EXT1: variants seen among roughly 807,000 people sequenced by gnomAD.
EXT1 encodes the protein exostosin glycosyltransferase 1.
EXT1 carries 20 observed loss-of-function variants against 82.5 expected under a neutral mutation model. The observed-to-expected ratio is 0.24, with a 90% CI of 0.17 to 0.35. The LOEUF is 0.35. EXT1 is among the 10% of genes least tolerant of loss of function. The pLI is 1.00. For missense variants in EXT1, 757 were observed against 936.5 expected, an observed-to-expected ratio of 0.81 and a Z score of 2.50; for synonymous variants, 348 against 350.8, an observed-to-expected ratio of 0.99 and a Z score of 0.09.
At chr8:118,069,583 G>A (rs1408693230) in intron 1 of EXT1, among the ~76,000 whole-genome samples, 4 of 152,190 alleles carry the variant, frequency 2.6e-5, no homozygotes, top group Middle Eastern at 3.4e-3. Context: ...TAGAGTTAGC[G>A]GAGATAGAAA....
At chr8:117,957,529 C>T (rs1282202064) in intron 1 of EXT1, among the ~76,000 whole-genome samples, 2 of 152,204 alleles carry the variant, frequency 1.3e-5, no homozygotes, top group African/African-American at 2.4e-5. Context: ...GCCCTTGGCA[C>T]GGGCCTGGCT....
intron 1 of EXT1, among the ~76,000 whole-genome samples, chr8:117,857,579 A>C (rs1812588381): frequency 1.3e-5 from 2 of 151,046 alleles, no homozygotes. Flanking sequence ...ATGCCCCTGT[A>C]GTCCCAGATA....
At chr8:118,065,044 G>A (rs1441860307) in intron 1 of EXT1, among the ~76,000 whole-genome samples, 2 of 151,730 alleles carry the variant, frequency 1.3e-5, no homozygotes, top group Non-Finnish European at 2.9e-5. Context: ...GTAGAGATGG[G>A]GTTTCACTAT....
At chr8:117,800,008 G>A (rs1214416638) in intron 10 of EXT1, 111 bp from the exon 11 acceptor site, 6 of 1,158,044 alleles carry the variant, frequency 5.2e-6, no homozygotes, top group Non-Finnish European at 7.5e-6. Context: ...CTTGGGGTCT[G>A]GCCCGGCCAC....
chr8:118,042,982 A>G (rs1816559418), intron 1 of EXT1, among the ~76,000 whole-genome samples: 1 of 152,110 alleles, frequency 6.6e-6, no homozygotes, highest in Non-Finnish European at 1.5e-5. Context: ...TCTATGGCGC[A>G]CTCTGTTTAA....
At chr8:118,102,928 G>A (rs1008419456) in intron 1 of EXT1, among the ~76,000 whole-genome samples, 4 of 152,164 alleles carry the variant, frequency 2.6e-5, no homozygotes, top group Non-Finnish European at 5.9e-5. Context: ...GCCGAGGTGG[G>A]CGGATCACCG....
intron 1 of EXT1, among the ~76,000 whole-genome samples, chr8:118,009,404 A>G (rs773323449): frequency 1.3e-5 from 2 of 152,240 alleles, no homozygotes; most frequent in Non-Finnish European, 2.9e-5. Flanking sequence ...TTGTGGCTCT[A>G]ATCCACAGAG....
chr8:118,001,818 C>A (rs1259094360), intron 1 of EXT1, among the ~76,000 whole-genome samples: 1 of 152,052 alleles, frequency 6.6e-6, no homozygotes, highest in Non-Finnish European at 1.5e-5. Flanking sequence ...AGAAAGCTAA[C>A]AAAGCTATGT....
chr8:118,076,473 C>T (rs770021749), intron 1 of EXT1, among the ~76,000 whole-genome samples: 55 of 152,350 alleles, frequency 3.6e-4, no homozygotes, highest in Non-Finnish European at 6.8e-4. Flanking sequence ...TCCACTATCA[C>T]GCAGTAATTA....
At chr8:117,923,142 T>C (rs1214701025) in intron 1 of EXT1, among the ~76,000 whole-genome samples, 1 of 151,048 alleles carries the variant, frequency 6.6e-6, no homozygotes, top group Non-Finnish European at 1.5e-5. Flanking sequence ...CTCGCCAACA[T>C]GGTGAAACCC....
chr8:117,958,714 T>A (rs956919258), intron 1 of EXT1, among the ~76,000 whole-genome samples: 1 of 152,242 alleles, frequency 6.6e-6, no homozygotes. Flanking sequence ...GCATTTACTA[T>A]GTACCGAAAG....
intron 1 of EXT1, among the ~76,000 whole-genome samples, chr8:117,912,950 A>T (rs1446931853): frequency 6.6e-6 from 1 of 152,214 alleles, no homozygotes; most frequent in Non-Finnish European, 1.5e-5. Context: ...GTGGCCGCGC[A>T]CAGTGGCTCA....
At chr8:117,905,358 A>G (rs1340936693) in intron 1 of EXT1, among the ~76,000 whole-genome samples, 1 of 152,208 alleles carries the variant, frequency 6.6e-6, no homozygotes, top group Non-Finnish European at 1.5e-5. Context: ...CTGAAAAATC[A>G]TCAAGGTCAG....
At chr8:117,874,120 T>A (rs999106060) in intron 1 of EXT1, among the ~76,000 whole-genome samples, 1 of 152,200 alleles carries the variant, frequency 6.6e-6, no homozygotes, top group African/African-American at 2.4e-5. Flanking sequence ...ATTCTAACAA[T>A]GAGAAATTCC....
chr8:117,915,644 G>A (rs549573293), intron 1 of EXT1, among the ~76,000 whole-genome samples: 74 of 152,240 alleles, frequency 4.9e-4, no homozygotes, highest in African/African-American at 1.7e-3. Flanking sequence ...CACCTGAGGT[G>A]AGGAGTTCGA....
At chr8:118,010,726 G>A (rs890789173) in intron 1 of EXT1, among the ~76,000 whole-genome samples, 4 of 152,280 alleles carry the variant, frequency 2.6e-5, no homozygotes, top group African/African-American at 4.8e-5. Context: ...GCAACGGCAC[G>A]GCCGCAAGAG....
intron 1 of EXT1, among the ~76,000 whole-genome samples, chr8:117,900,464 G>A (rs765108450): frequency 4.6e-5 from 7 of 152,144 alleles, no homozygotes; most frequent in Admixed American, 1.3e-4. Flanking sequence ...GACTAAGAAC[G>A]GTGGGATACA....
intron 1 of EXT1, among the ~76,000 whole-genome samples, chr8:117,919,558 G>A (rs1563601182): frequency 6.7e-6 from 1 of 149,524 alleles, no homozygotes; most frequent in Non-Finnish European, 1.5e-5. Context: ...AGGATGGAGT[G>A]CAGTGGTGCA....
chr8:117,887,070 T>G lies in EXT1; in HGVS notation c.963-49869A>C, dbSNP rs958292624. Among the ~76,000 whole-genome samples, 12 of 152,330 alleles carry G rather than the reference T, an allele frequency of 7.9e-5. No homozygotes were observed. In the East Asian group the frequency reaches 1.7e-3, roughly 22 times the overall value. ...GGCATGCCATTGACGATATAGCCTC[T>G]GTTTAACAGTTCAACCAAGAAAGCT... On this transcript the variant is annotated intron_variant, in intron 1 of 10. Coordinates refer to ENST00000378204, the MANE Select transcript of EXT1 (RefSeq NM_000127.3).
Sources: gnomAD v4.1 joint callset for allele counts (sites outside exome capture counted in the v4.1 genomes callset) on GRCh38, gnomAD v4.1.1 for gene constraint, MANE v1.5 for transcripts, NCBI Gene and HGNC (gene_info 2026-07-23, HGNC 2026-07-21) for gene names.